The following TTC28 variants were observed in gnomAD, a reference collection of about 807,000 sequenced individuals.
The protein encoded by TTC28 is tetratricopeptide repeat domain 28.
In TTC28, 61 loss-of-function variants were observed where a neutral mutation model predicts 198.0. The observed-to-expected ratio is 0.31, with a 90% CI of 0.25 to 0.38. TTC28 has a LOEUF of 0.38. Among genes scored for constraint, TTC28 ranks in the 10% least tolerant of loss-of-function variants. TTC28 has a pLI of 1.00. For synonymous variants in TTC28, 1,171 were observed against 1,297.8 expected (o/e 0.90, Z 2.10); for missense variants, 2,678 against 3,164.0 (o/e 0.85, Z 3.69).
chr22:28,531,977 C>T (rs530895549), intron 2 of TTC28, among the ~76,000 whole-genome samples: 1 of 152,148 alleles, frequency 6.6e-6, no homozygotes, highest in Non-Finnish European at 1.5e-5. Flanking sequence ...AAAATTGACA[C>T]CCTAACATCA....
At chr22:28,094,770 G>C (rs1569135492) in intron 11 of TTC28, among the ~76,000 whole-genome samples, 1 of 152,110 alleles carries the variant, frequency 6.6e-6, no homozygotes, top group Non-Finnish European at 1.5e-5. Flanking sequence ...ACTGGTCAAT[G>C]GTCATTAATG....
At position 28,005,893 on chromosome 22, in the gene TTC28, C is replaced by T. The variant is rs1006136327; in HGVS notation, c.4219-4340G>A. 6.6e-6 allele frequency among the ~76,000 whole-genome samples: 1 copy of T among 152,240 alleles called. No homozygotes were observed. The highest frequency in any genetic ancestry group is 1.5e-5 in the Non-Finnish European group (1 of 68,040). ...TCCCATGTTCATTCTTTACTAGGTA[C>T]ACTCCCTCAGCCCTAGAGAACCACA... On this transcript the variant is annotated intron_variant, in intron 14 of 22. Transcript: ENST00000397906. The surrounding 1 kb of genome is among the most constrained non-coding windows in gnomAD (Gnocchi z 4.9).
intron 13 of TTC28, among the ~76,000 whole-genome samples, chr22:28,028,368 CTATTGCAG>C (rs1938921795): frequency 6.6e-6 from 1 of 152,212 alleles, no homozygotes; most frequent in Non-Finnish European, 1.5e-5. Flanking sequence ...CTCACTGGAG[CTATTGCAG>C]GGCTGCTCAG....
intron 2 of TTC28, among the ~76,000 whole-genome samples, chr22:28,437,612 A>G (rs1159071711): frequency 6.6e-6 from 1 of 151,866 alleles, no homozygotes; most frequent in African/African-American, 2.4e-5. Context: ...GCTTTGTTTG[A>G]TACAGGGTAT....
At chr22:28,277,271 A>G (rs1207352008) in intron 5 of TTC28, among the ~76,000 whole-genome samples, 2 of 152,222 alleles carry the variant, frequency 1.3e-5, no homozygotes, top group Non-Finnish European at 2.9e-5. Flanking sequence ...CTCGTAGAAA[A>G]GGAGAACTTT....
At chr22:28,641,555 A>G (rs1353126031) in intron 1 of TTC28, among the ~76,000 whole-genome samples, 3 of 152,172 alleles carry the variant, frequency 2.0e-5, no homozygotes, top group African/African-American at 7.2e-5. Context: ...ATTTCTTTTG[A>G]GAGCGAGGAA....
At chr22:28,563,130 TAAG>T (rs895731718) in intron 2 of TTC28, among the ~76,000 whole-genome samples, 83 of 151,836 alleles carry the variant, frequency 5.5e-4, no homozygotes, top group African/African-American at 1.8e-3. Context: ...CTCAAAATAA[TAAG>T]AAGAAGAATA....
rs146128546 is a variant in TTC28, at chr22:28,349,549, T to C, written c.382-42906A>G. Among the ~76,000 whole-genome samples the C allele has an allele frequency of 2.2e-4, 33 of 152,256 alleles. No homozygotes were observed. The East Asian group carries it at 6.4e-3, about 29-fold the overall frequency. ...GACTGAAGTTACAGAAAAAGAGCAC[T>C]GGAAAGGAGCCAAGAGGCTTGAGTT... On this transcript the variant is annotated intron_variant, in intron 2 of 22. Transcript: ENST00000397906.
intron 2 of TTC28, among the ~76,000 whole-genome samples, chr22:28,467,009 A>T (rs2146290863): frequency 6.6e-6 from 1 of 152,348 alleles, no homozygotes; most frequent in African/African-American, 2.4e-5. Context: ...CCATCCAAAA[A>T]TGGAGTCATA....
At position 27,981,647 on chromosome 22, in the gene TTC28, T is replaced by TATC. The variant is rs1937026783; in HGVS notation, c.*571_*573dup. 1.3e-5 allele frequency: 2 copies of TATC among 152,204 alleles called. No individual in the cohort carries two copies. The highest frequency in any genetic ancestry group is 2.9e-5 in the Non-Finnish European group (2 of 68,056). The allele number at this position is 152,204 out of a possible 1,614,324, so 9.4% of individuals were successfully genotyped here. ...TTGCATTGTTGCTGAGATATTACACTATCATGAGACCAAAATTGCTACAAT... is the reference window on the plus strand; with the variant it reads ...TTGCATTGTTGCTGAGATATTACACTATCATCATGAGACCAAAATTGCTACAAT... On this transcript the variant is annotated 3_prime_UTR_variant, in exon 23 of 23. Coordinates refer to ENST00000397906, the MANE Select transcript of TTC28 (RefSeq NM_001145418.2).
intron 5 of TTC28, among the ~76,000 whole-genome samples, chr22:28,253,916 C>T (rs1240517238): frequency 1.3e-5 from 2 of 151,858 alleles, no homozygotes; most frequent in East Asian, 3.9e-4. Context: ...AGCAGCCTGG[C>T]CAACATGGTG....
rs899997679 is a variant in TTC28 at position 27,998,960 on chromosome 22, C to T, written c.4699G>A (p.Ala1567Thr). The T allele has an allele frequency of 1.9e-6, 3 of 1,550,702 alleles. No homozygotes were observed. Among genetic ancestry groups the T allele is most frequent in the Non-Finnish European group, 2.6e-6 (3 of 1,146,946 alleles). The change falls in exon 16 of 23, where the codon GCC becomes ACC. Residue 1567 changes from alanine (A) to threonine (T), a missense_variant. Transcript: ENST00000397906. ...VLTPSMDGNP[A>T]SSKSSFGHPY... ...TGGCCGAAGGAGCTCTTGCTGCTGG[C>T]AGGGTTGCCGTCCATGCTGGGCGTG...
chr22:28,418,100 T>C (rs2047194089), intron 2 of TTC28, among the ~76,000 whole-genome samples: 3 of 152,220 alleles, frequency 2.0e-5, no homozygotes, highest in Non-Finnish European at 4.4e-5. Flanking sequence ...GGGAAAACCT[T>C]GAGAAGACAG....
chr22:28,064,851 G>A lies in TTC28; in HGVS notation c.3932+29229C>T, dbSNP rs1451238458. ...TGGCAACTCCAGGGAGGAAAATTAG[G>A]TGGTGAGAAAAAGAGATGGGAGGGA... On this transcript the variant is annotated intron_variant, in intron 12 of 22. Transcript: ENST00000397906. 3.3e-5 allele frequency among the ~76,000 whole-genome samples: 5 copies of A among 152,158 alleles called. No homozygotes were observed. The East Asian group carries it at 9.6e-4, about 29-fold the overall frequency.
intron 2 of TTC28, among the ~76,000 whole-genome samples, chr22:28,546,185 T>C (rs999647182): frequency 6.6e-6 from 1 of 152,188 alleles, no homozygotes; most frequent in Non-Finnish European, 1.5e-5. Flanking sequence ...CTCAAATATA[T>C]GGTCAACTGA....
chr22:28,635,614 A>C (rs1344755624), intron 1 of TTC28, among the ~76,000 whole-genome samples: 1 of 152,184 alleles, frequency 6.6e-6, no homozygotes, highest in African/African-American at 2.4e-5. Flanking sequence ...GCCACATATA[A>C]TTACTACATA....
In TTC28 at chr22:27,989,865, A is replaced by T. The variant is rs1937336246; in HGVS notation, c.5707+13T>A. Reference sequence around the variant, plus strand: ...ATTCAAGAACCCATTTAAGTCAAGGATTCTCTGCCTACCTAGAGCTGCCAG... The same window carrying T: ...ATTCAAGAACCCATTTAAGTCAAGGTTTCTCTGCCTACCTAGAGCTGCCAG... On this transcript the variant is annotated intron_variant, in intron 21 of 22. Transcript: ENST00000397906. The T allele has an allele frequency of 6.5e-7, 1 of 1,545,636 alleles. No homozygotes were observed. Among genetic ancestry groups the T allele is most frequent in the African/African-American group, 1.4e-5 (1 of 72,954 alleles).
At chr22:27,992,506 C>A in intron 19 of TTC28, 81 bp downstream of exon 19, 1 of 1,410,396 alleles carries the variant, frequency 7.1e-7, no homozygotes. Flanking sequence ...CTTACAGGTT[C>A]CTATTTAGGG....
At chr22:28,257,778 A>ATATATATATC (rs1931048960) in intron 5 of TTC28, among the ~76,000 whole-genome samples, 4 of 130,986 alleles carry the variant, frequency 3.1e-5, no homozygotes, top group African/African-American at 1.1e-4. Flanking sequence ...ATATATATAT[A>ATATATATATC]TATCTTCTAC....
Sources: gnomAD v4.1 joint callset for allele counts (sites outside exome capture counted in the v4.1 genomes callset) on GRCh38, gnomAD v4.1.1 for gene constraint, Gnocchi (gnomAD v3.1) non-coding constraint, MANE v1.5 for transcripts, NCBI Gene and HGNC (gene_info 2026-07-23, HGNC 2026-07-21) for gene names.